Variants in FADS6 observed in about 807,000 individuals in gnomAD.
FADS6 encodes the protein fatty acid desaturase domain family, member 6.
A neutral mutation model predicts 31.7 loss-of-function variants in FADS6; 28 were observed. That is an observed-to-expected ratio of 0.88 (90% confidence interval 0.66 to 1.21). The LOEUF (loss-of-function observed/expected upper bound fraction) is 1.21. Among genes scored for constraint, FADS6 ranks in the 50% most tolerant of loss-of-function variants. FADS6 has a pLI of 0.00. For synonymous variants in FADS6, 191 were observed against 213.1 expected (o/e 0.90, Z 0.90); for missense variants, 494 against 504.2 (o/e 0.98, Z 0.19).
At chr17:74,881,428 T>C (rs1313534554) in intron 3 of FADS6, among the ~76,000 whole-genome samples, 173 bp from the exon 4 acceptor site, 1 of 152,202 alleles carries the variant, frequency 6.6e-6, no homozygotes, top group Non-Finnish European at 1.5e-5. Flanking sequence ...CCAGGCTCGA[T>C]GGCTCAAGCC....
intron 2 of FADS6, among the ~76,000 whole-genome samples, chr17:74,890,756 C>A (rs1031296962): frequency 6.6e-6 from 1 of 152,114 alleles, no homozygotes; most frequent in African/African-American, 2.4e-5. Flanking sequence ...GTATCTCAAG[C>A]GTGCTGGGTT....
At chr17:74,879,296 G>A (rs769755950) in intron 5 of FADS6, 108 bp downstream of exon 5, 100 of 1,375,940 alleles carry the variant, frequency 7.3e-5, no homozygotes, top group Non-Finnish European at 8.8e-5. Flanking sequence ...CTCAGCCTCC[G>A]CAAGTGCCAG....
intron 2 of FADS6, among the ~76,000 whole-genome samples, chr17:74,888,922 A>G (rs533724167): frequency 5.7e-4 from 87 of 152,338 alleles, no homozygotes; most frequent in South Asian, 1.0e-3. Flanking sequence ...TACGCCTGGC[A>G]GTCCCCATGG....
In FADS6 at chr17:74,879,453, T is replaced by C; in HGVS notation, c.911A>G (p.His304Arg). 1 of 1,613,956 alleles carries C rather than the reference T, an allele frequency of 6.2e-7. No individual in the cohort carries two copies. The highest frequency in any genetic ancestry group is 8.5e-7 in the Non-Finnish European group (1 of 1,179,894). Residue 304 changes from histidine (H) to arginine (R), a missense_variant, in exon 5 of 6, where the codon CAT becomes CGT. By Grantham distance (29) the His-to-Arg change is conservative (BLOSUM62 0). This residue lies in a region of FADS6 where 454 missense variants were observed against 438.5 expected (regional missense o/e 1.04). Transcript: ENST00000612771. ...WAFGHSIISC[H>R]VEHHLFPRLS... Reference sequence around the variant, plus strand: ...CCTGGGGAATAGATGGTGTTCCACATGGCAGCTGATGATCGAGTGGCCGAA... The same window carrying C: ...CCTGGGGAATAGATGGTGTTCCACACGGCAGCTGATGATCGAGTGGCCGAA...
Position 74,878,009 on chromosome 17 carries a change from C to T in FADS6, c.*322G>A. 4 of 1,105,024 alleles carry T rather than the reference C, an allele frequency of 3.6e-6. No individual in the cohort carries two copies. The highest frequency in any genetic ancestry group is 4.4e-6 in the Non-Finnish European group (4 of 905,160). 68.5% of individuals were successfully genotyped at this position (1,105,024 alleles called of 1,614,324 possible). On this transcript the variant is annotated 3_prime_UTR_variant, in exon 6 of 6. Transcript: ENST00000612771. ...GATCCCTCTTCACCCTGTCACCTCC[C>T]TTTAACCCTACCAAGGCTCAGATGG...
chr17:74,892,730 C>G (rs1405479817), intron 1 of FADS6, 41 bp from the exon 2 acceptor site: 1 of 1,554,512 alleles, frequency 6.4e-7, no homozygotes, highest in Non-Finnish European at 8.7e-7. Flanking sequence ...TTCTCTAGCT[C>G]TGGGTGATCT....
intron 4 of FADS6, 112 bp from the exon 5 acceptor site, chr17:74,879,695 G>A (rs2038547745): frequency 4.4e-6 from 5 of 1,143,936 alleles, no homozygotes; most frequent in Non-Finnish European, 3.7e-6. Flanking sequence ...CCTCCCATGT[G>A]GGGGGACCTG....
At chr17:74,882,972 G>C in intron 2 of FADS6, 1 of 833,076 alleles carries the variant, frequency 1.2e-6, no homozygotes, top group South Asian at 1.8e-5. Flanking sequence ...GACCCCTGGA[G>C]TGCCAATCTG....
At chr17:74,885,511 C>G (rs1312766401) in intron 2 of FADS6, among the ~76,000 whole-genome samples, 1 of 152,118 alleles carries the variant, frequency 6.6e-6, no homozygotes, top group Admixed American at 6.5e-5. Context: ...GAGAGAGGAA[C>G]GGAAGCTACG....
chr17:74,882,720 G>A lies in FADS6; in HGVS notation c.412-10C>T, dbSNP rs1431459514. 1 of 1,605,132 alleles carries A rather than the reference G, an allele frequency of 6.2e-7. No individual in the cohort carries two copies. Among genetic ancestry groups the A allele is most frequent in the Admixed American group, 1.7e-5 (1 of 59,074 alleles). ...TGAAGGCTGTGCACACCTAGAGGAG[G>A]GAACCAGAAATGACACTGGGGTCCC... On this transcript the variant is annotated splice_polypyrimidine_tract_variant and intron_variant, in intron 2 of 5. Coordinates refer to ENST00000612771, the MANE Select transcript of FADS6 (RefSeq NM_178128.6).
In FADS6 at chr17:74,888,159, C is replaced by CGGGT. The variant is rs2038648734; in HGVS notation, c.411+4363_411+4364insACCC. On this transcript the variant is annotated intron_variant, in intron 2 of 5. Coordinates refer to ENST00000612771, the MANE Select transcript of FADS6 (RefSeq NM_178128.6). ...ACACACACACACACACACACACGCGCGCGCGCGCGCGCGCAGAGTACCAAT... is the reference window on the plus strand; with the variant it reads ...ACACACACACACACACACACACGCGCGGGTGCGCGCGCGCGCGCAGAGTACCAAT... Among the ~76,000 whole-genome samples the CGGGT allele has an allele frequency of 4.3e-4, 41 of 95,196 alleles. 1 individual carries two copies. The highest frequency in any genetic ancestry group is 6.3e-4 in the Non-Finnish European group (33 of 52,044). 62.5% of individuals were successfully genotyped at this position (95,196 alleles called of 152,430 possible).
chr17:74,878,189 C>A lies in FADS6; in HGVS notation c.*142G>T, dbSNP rs1032936436. The A allele has an allele frequency of 5.6e-6, 8 of 1,432,920 alleles. No individual in the cohort carries two copies. In the African/African-American group the frequency reaches 8.6e-5, roughly 15 times the overall value. The allele number at this position is 1,432,920 out of a possible 1,614,324, so 88.8% of individuals were successfully genotyped here. A position where few individuals can be genotyped will look rare whatever the true frequency, so the allele number is the denominator to read the frequency against. ...GTGGCCCCCAGACCCCAGGCCTGAGCTCCCCTGCCCCCCTGCCTGGCCGGT... is the reference window on the plus strand; with the variant it reads ...GTGGCCCCCAGACCCCAGGCCTGAGATCCCCTGCCCCCCTGCCTGGCCGGT... On this transcript the variant is annotated 3_prime_UTR_variant, in exon 6 of 6. Coordinates refer to ENST00000612771, the MANE Select transcript of FADS6 (RefSeq NM_178128.6).
At chr17:74,880,953 A>G (rs1367990127) in intron 4 of FADS6, 115 bp downstream of exon 4, 1 of 1,079,158 alleles carries the variant, frequency 9.3e-7, no homozygotes, top group East Asian at 2.6e-5. Flanking sequence ...GAGAGGGAGG[A>G]TGCCTCATCC....
At position 74,879,699 on chromosome 17, in the gene FADS6, G is replaced by C. The variant is rs986573894; in HGVS notation, c.781-116C>G. 4 of 1,118,334 alleles carry C rather than the reference G, an allele frequency of 3.6e-6. No individual in the cohort carries two copies. The African/African-American group carries it at 6.3e-5, about 18-fold the overall frequency. The allele number at this position is 1,118,334 out of a possible 1,614,324, so 69.3% of individuals were successfully genotyped here. On this transcript the variant is annotated intron_variant, in intron 4 of 5. Coordinates refer to ENST00000612771, the MANE Select transcript of FADS6 (RefSeq NM_178128.6). The stretch of plus-strand genomic sequence containing the variant: ...TGTGTCACCCACCTCCCATGTGGGG[G>C]GACCTGGTAGAGGGGCTCCTGGCCC...
At chr17:74,891,432 C>G (rs928915070) in intron 2 of FADS6, among the ~76,000 whole-genome samples, 3 of 152,138 alleles carry the variant, frequency 2.0e-5, no homozygotes, top group African/African-American at 4.8e-5. Flanking sequence ...AGCCCAATGT[C>G]TCCCTTGCCT....
At chr17:74,889,256 C>T (rs2038663194) in intron 2 of FADS6, among the ~76,000 whole-genome samples, 1 of 152,134 alleles carries the variant, frequency 6.6e-6, no homozygotes, top group South Asian at 2.1e-4. Flanking sequence ...TGCCAAACAC[C>T]AAAAGGAGCC....
intron 2 of FADS6, among the ~76,000 whole-genome samples, chr17:74,883,190 A>T (rs1233105408): frequency 6.6e-6 from 1 of 152,234 alleles, no homozygotes; most frequent in African/African-American, 2.4e-5. Context: ...TCCCCTGACC[A>T]GTCCACAAGG....
At chr17:74,876,770 C>G (rs1327711242), downstream of FADS6, among the ~76,000 whole-genome samples, 1 of 152,114 alleles carries the variant, frequency 6.6e-6, no homozygotes, top group Non-Finnish European at 1.5e-5. Context: ...GCACTCCAGC[C>G]TGGGCGACAG....
chr17:74,879,038 CT>C lies in FADS6; in HGVS notation c.960+365del, dbSNP rs35990330. On this transcript the variant is annotated intron_variant, in intron 5 of 5. Transcript: ENST00000612771. ...GAAGTTTCCTCCCTCCCCTCACCAC[CT>C]TTTTTTTTTTTTTTTTTTGAGACAG... 8.2e-3 allele frequency: 1,067 copies of C among 129,736 alleles called. 11 individuals carry two copies. Among genetic ancestry groups the C allele is most frequent in the East Asian group, 0.012 (52 of 4,490 alleles). 8.0% of individuals were successfully genotyped at this position (129,736 alleles called of 1,614,324 possible). A position where few individuals can be genotyped will look rare whatever the true frequency, so the allele number is the denominator to read the frequency against.
Sources: gnomAD v4.1 joint callset for allele counts (sites outside exome capture counted in the v4.1 genomes callset) on GRCh38, gnomAD v4.1.1 for gene constraint, gnomAD v4.1.1 regional missense constraint, MANE v1.5 for transcripts, NCBI Gene and HGNC (gene_info 2026-07-23, HGNC 2026-07-21) for gene names.